MIPOL1: variants seen among roughly 807,000 people sequenced by gnomAD.
MIPOL1 encodes the protein mirror-image polydactyly gene 1 protein.
In MIPOL1, 57 loss-of-function variants were observed where a neutral mutation model predicts 60.9. That is an observed-to-expected ratio of 0.94 (90% CI 0.76 to 1.17). The LOEUF is 1.17. Ranked by LOEUF, MIPOL1 falls within the 50% of genes most tolerant of loss-of-function variation. MIPOL1 has a pLI of 0.00. For synonymous variants in MIPOL1, 179 were observed against 168.8 expected, an observed-to-expected ratio of 1.06 and a Z score of -0.47; for missense variants, 551 against 511.6, an observed-to-expected ratio of 1.08 and a Z score of -0.74.
At chr14:37,312,364 G>T (rs887701213) in intron 9 of MIPOL1, among the ~76,000 whole-genome samples, 1 of 152,086 alleles carries the variant, frequency 6.6e-6, no homozygotes, top group Admixed American at 6.6e-5. Context: ...GCCCACCTTG[G>T]CCTCCCAAAG....
intron 9 of MIPOL1, among the ~76,000 whole-genome samples, chr14:37,362,580 C>T (rs971522424): frequency 2.6e-5 from 4 of 152,076 alleles, no homozygotes; most frequent in African/African-American, 4.8e-5. Context: ...CTGACAATTA[C>T]GTGTCTTGGG....
In MIPOL1 at chr14:37,547,195, GGGTAGCTATAA is replaced by G; in HGVS notation, c.*228_*238del. 2 of 485,348 alleles carry G rather than the reference GGGTAGCTATAA, an allele frequency of 4.1e-6. No homozygotes were observed. Among genetic ancestry groups the G allele is most frequent in the Non-Finnish European group, 7.3e-6 (2 of 273,788 alleles). 30.1% of individuals were successfully genotyped at this position (485,348 alleles called of 1,614,324 possible). ...ATATTAACTATAGACTTTTACCAAT[GGGTAGCTATAA>G]GGTTACAGCTTATTTTGTAACTATT... On this transcript the variant is annotated 3_prime_UTR_variant, in exon 13 of 13. Coordinates refer to ENST00000684589, the MANE Select transcript of MIPOL1 (RefSeq NM_001388067.1).
chr14:37,350,197 T>A (rs1316042833), intron 9 of MIPOL1, among the ~76,000 whole-genome samples: 2 of 152,130 alleles, frequency 1.3e-5, no homozygotes, highest in Admixed American at 6.6e-5. Context: ...TCAGCCTCCG[T>A]AATGGCTGGG....
chr14:37,375,431 C>T (rs1414496987), intron 10 of MIPOL1, among the ~76,000 whole-genome samples: 3 of 151,890 alleles, frequency 2.0e-5, no homozygotes, highest in Non-Finnish European at 2.9e-5. Flanking sequence ...GTGATCATTC[C>T]GCTTCGACCT....
intron 6 of MIPOL1, chr14:37,277,931 A>G (rs985031784): frequency 1.3e-5 from 2 of 151,472 alleles, no homozygotes; most frequent in African/African-American, 4.8e-5. Flanking sequence ...TTCACCTGCT[A>G]TTTTATATTT....
Position 37,267,027 on chromosome 14 carries a change from A to G in MIPOL1, c.109A>G (p.Ser37Gly). 1 of 1,613,978 alleles carries G rather than the reference A, an allele frequency of 6.2e-7. No individual in the cohort carries two copies. The highest frequency in any genetic ancestry group is 1.1e-5 in the South Asian group (1 of 91,084). ...DEQLTMNSEK[S>G]MHRKSTELVN... ...GCAACTGACTATGAATTCTGAGAAA[A>G]GTATGCATCGGAAATCCACTGAATT... The change falls in exon 4 of 13, where the codon AGT (serine) becomes GGT (glycine). Residue 37 changes from serine (S) to glycine (G), a missense_variant. By Grantham distance (56) the Ser-to-Gly change is moderately conservative. Transcript: ENST00000684589.
At chr14:37,362,448 T>A (rs1166170276) in intron 9 of MIPOL1, among the ~76,000 whole-genome samples, 1 of 152,198 alleles carries the variant, frequency 6.6e-6, no homozygotes, top group Non-Finnish European at 1.5e-5. Context: ...CACTCTCTTC[T>A]GGCTTGTAGG....
intron 7 of MIPOL1, among the ~76,000 whole-genome samples, chr14:37,298,540 G>A (rs2086014294): frequency 2.0e-5 from 3 of 152,082 alleles, no homozygotes; most frequent in African/African-American, 4.8e-5. Context: ...GACAATTTTT[G>A]CAACCTACTC....
At chr14:37,534,699 A>C (rs1309222477) in intron 12 of MIPOL1, among the ~76,000 whole-genome samples, 1 of 152,160 alleles carries the variant, frequency 6.6e-6, no homozygotes, top group Non-Finnish European at 1.5e-5. Flanking sequence ...ATTGTAACTT[A>C]ATCTTAATTT....
intron 10 of MIPOL1, among the ~76,000 whole-genome samples, chr14:37,411,872 A>G (rs2093686512): frequency 6.6e-6 from 1 of 152,142 alleles, no homozygotes; most frequent in African/African-American, 2.4e-5. Flanking sequence ...GACATCAGTT[A>G]CTTCATAATA....
At chr14:37,239,042 T>A (rs1254781824) in intron 1 of MIPOL1, among the ~76,000 whole-genome samples, 4 of 149,470 alleles carry the variant, frequency 2.7e-5, no homozygotes, top group Non-Finnish European at 5.9e-5. Flanking sequence ...TAGCATACAT[T>A]GCTTAATTTT....
At chr14:37,522,570 T>C (rs2095421281) in intron 12 of MIPOL1, among the ~76,000 whole-genome samples, 1 of 152,172 alleles carries the variant, frequency 6.6e-6, no homozygotes, top group Admixed American at 6.5e-5. Context: ...TTACTGAGAA[T>C]GCTTATTATA....
chr14:37,273,848 A>G (rs180836359), intron 6 of MIPOL1, among the ~76,000 whole-genome samples: 4 of 151,742 alleles, frequency 2.6e-5, no homozygotes, highest in Non-Finnish European at 5.9e-5. Context: ...ATTAGTGTTA[A>G]TATATGTAAG....
Position 37,467,727 on chromosome 14 carries a change from T to TAA in MIPOL1, c.1032-32179_1032-32178dup, listed in dbSNP as rs2094618447. Reference sequence around the variant, plus strand: ...AAATATTAAGCAGTCTTTGAGGTGCTAAAGATAAAATGGTGAGTAAAACCT... The same window carrying TAA: ...AAATATTAAGCAGTCTTTGAGGTGCTAAAAAGATAAAATGGTGAGTAAAACCT... On this transcript the variant is annotated intron_variant, in intron 11 of 12. Transcript: ENST00000684589. Among the ~76,000 whole-genome samples the TAA allele has an allele frequency of 2.0e-5, 3 of 152,224 alleles. No individual in the cohort carries two copies. In the South Asian group the frequency reaches 6.2e-4, roughly 32 times the overall value.
intron 11 of MIPOL1, among the ~76,000 whole-genome samples, chr14:37,483,987 T>G (rs1322677991): frequency 6.6e-6 from 1 of 152,198 alleles, no homozygotes; most frequent in African/African-American, 2.4e-5. Flanking sequence ...ATTGCAACAC[T>G]GTTCACAATA....
intron 6 of MIPOL1, among the ~76,000 whole-genome samples, chr14:37,274,817 G>A (rs902418991): frequency 2.0e-5 from 3 of 151,202 alleles, no homozygotes; most frequent in African/African-American, 7.3e-5. Context: ...TAATTATGAT[G>A]ATAAGATGAT....
chr14:37,509,824 A>T (rs936167948), intron 12 of MIPOL1, among the ~76,000 whole-genome samples: 1 of 151,572 alleles, frequency 6.6e-6, no homozygotes, highest in Non-Finnish European at 1.5e-5. Context: ...CTATATATGT[A>T]TGTGTATATA....
intron 1 of MIPOL1, among the ~76,000 whole-genome samples, chr14:37,232,637 CTTTCAGCA>C (rs1025873610): frequency 6.6e-6 from 1 of 152,150 alleles, no homozygotes; most frequent in Non-Finnish European, 1.5e-5. Flanking sequence ...TTGTTCTTCT[CTTTCAGCA>C]ATACTTGTAC....
intron 6 of MIPOL1, among the ~76,000 whole-genome samples, chr14:37,281,465 C>T (rs1053814321): frequency 2.6e-5 from 4 of 152,074 alleles, no homozygotes; most frequent in African/African-American, 4.8e-5. Flanking sequence ...AATACAGTGG[C>T]ACGATCTCAG....
Sources: allele counts gnomAD v4.1 joint callset (sites outside exome capture counted in the v4.1 genomes callset), GRCh38; gene constraint gnomAD v4.1.1; transcripts MANE v1.5; gene names NCBI Gene and HGNC (gene_info 2026-07-23, HGNC 2026-07-21).